The following CDC23 variants were observed in gnomAD, a reference collection of about 807,000 sequenced individuals.
The protein encoded by CDC23 is cell division cycle 23, also known as cell division cycle protein 23 homolog.
CDC23 carries 26 observed loss-of-function variants against 81.7 expected under a neutral mutation model. The ratio of observed to expected loss-of-function variants is 0.32; its 90% CI spans 0.23 to 0.44. CDC23 has a LOEUF of 0.44. Ranked by LOEUF, CDC23 falls within the 20% of genes least tolerant of loss-of-function variation. The probability of loss-of-function intolerance (pLI) is 1.00; values close to 1 mark genes in which losing one functional copy is unlikely to be tolerated. For missense variants in CDC23, 519 were observed against 728.0 expected (o/e 0.71, Z 3.30); for synonymous variants, 267 against 270.8 (o/e 0.99, Z 0.14).
chr5:138,197,446 T>C (rs956489758), intron 9 of CDC23, among the ~76,000 whole-genome samples: 4 of 150,942 alleles, frequency 2.7e-5, no homozygotes, highest in Non-Finnish European at 5.9e-5. Flanking sequence ...TGTATAATGA[T>C]ACAGTTTTGG....
At chr5:138,195,552 ATTATATATAATATAT>A (rs1433692114) in intron 9 of CDC23, among the ~76,000 whole-genome samples, 2,258 of 107,590 alleles carry the variant, frequency 0.021, 88 homozygotes, top group African/African-American at 0.074. Context: ...ATATAATATA[ATTATATATAATATAT>A]TTATATATAA....
At chr5:138,206,362 G>C in intron 3 of CDC23, 185 bp downstream of exon 3, 2 of 640,212 alleles carry the variant, frequency 3.1e-6, no homozygotes, top group Non-Finnish European at 5.5e-6. Flanking sequence ...TCATTCCTAA[G>C]AATATTTTCT....
intron 3 of CDC23, chr5:138,206,007 A>G (rs1431655487): frequency 1.3e-5 from 2 of 152,966 alleles, no homozygotes; most frequent in African/African-American, 4.8e-5. Context: ...GTACTAGGAA[A>G]TGAGAAGTAC....
intron 6 of CDC23, among the ~76,000 whole-genome samples, chr5:138,199,584 G>GA (rs1754962793): frequency 6.6e-6 from 1 of 152,186 alleles, no homozygotes; most frequent in East Asian, 1.9e-4. Context: ...GAAACCAAGA[G>GA]AAAGAGATGT....
intron 2 of CDC23, among the ~76,000 whole-genome samples, chr5:138,211,517 C>T (rs1291622411): frequency 6.6e-6 from 1 of 152,064 alleles, no homozygotes; most frequent in African/African-American, 2.4e-5. Flanking sequence ...CAAAAAGTTA[C>T]CCAGGCGTGG....
At chr5:138,201,005 C>T (rs1754982882) in intron 6 of CDC23, 102 bp downstream of exon 6, 56 of 1,340,536 alleles carry the variant, frequency 4.2e-5, no homozygotes, top group Non-Finnish European at 5.5e-5. Context: ...AAAGGGAGAA[C>T]TATAACCAAA....
intron 2 of CDC23, among the ~76,000 whole-genome samples, chr5:138,207,147 T>C (rs1755059280): frequency 6.6e-6 from 1 of 152,104 alleles, no homozygotes; most frequent in African/African-American, 2.4e-5. Flanking sequence ...CCCAAAGTGC[T>C]GGAATTACAG....
chr5:138,192,794 T>C (rs1228310478), intron 9 of CDC23, 137 bp from the exon 10 acceptor site: 2 of 660,086 alleles, frequency 3.0e-6, no homozygotes, highest in Non-Finnish European at 5.1e-6. Context: ...ACCCAAATTG[T>C]ACAAAAGGGA....
chr5:138,203,427 T>C (rs1469370957), intron 3 of CDC23, among the ~76,000 whole-genome samples: 1 of 151,976 alleles, frequency 6.6e-6, no homozygotes. Flanking sequence ...TAAAAAATAC[T>C]CTATTGATTA....
intron 3 of CDC23, among the ~76,000 whole-genome samples, chr5:138,203,952 T>C (rs17228381): frequency 0.019 from 2,847 of 152,150 alleles, 96 homozygotes; most frequent in African/African-American, 0.064. Flanking sequence ...AGATTGAATA[T>C]AGTATCAAAT....
chr5:138,191,607 A>T, intron 12 of CDC23, 72 bp from the exon 13 acceptor site: 1 of 1,403,722 alleles, frequency 7.1e-7, no homozygotes, highest in Non-Finnish European at 1.0e-6. Flanking sequence ...GAAGGTTAAG[A>T]CCCTGCAAGC....
chr5:138,212,681 T>C (rs934120377), intron 2 of CDC23, among the ~76,000 whole-genome samples: 13 of 152,220 alleles, frequency 8.5e-5, no homozygotes, highest in African/African-American at 3.1e-4. Flanking sequence ...TAATTCCTTA[T>C]AATAATATTT....
intron 6 of CDC23, chr5:138,200,870 T>G: frequency 4.2e-6 from 2 of 474,790 alleles, no homozygotes; most frequent in Non-Finnish European, 7.4e-6. Context: ...AAAACATGAA[T>G]ATGAAAAAAA....
chr5:138,198,941 T>G (rs1380386094), intron 6 of CDC23, among the ~76,000 whole-genome samples, 159 bp from the exon 7 acceptor site: 1 of 152,048 alleles, frequency 6.6e-6, no homozygotes, highest in Non-Finnish European at 1.5e-5. Flanking sequence ...TGAATATGAC[T>G]TACAAGCATA....
chr5:138,201,022 C>A (rs1344207064), intron 6 of CDC23, 85 bp downstream of exon 6: 9 of 1,487,772 alleles, frequency 6.0e-6, no homozygotes, highest in South Asian at 1.3e-5. Flanking sequence ...CAAAGCCCTG[C>A]CAAAACTTTC....
chr5:138,189,716 G>T lies in CDC23; in HGVS notation c.1540C>A (p.Arg514Ser). ...TTAAAATAGTACTGGGCCAGATAGC[G>T]AAAGGCAGTGCTTTCCTCCAAGTGT... is the stretch of plus-strand genomic sequence containing the variant. ...VEHLEESTAF[R>S]YLAQYYFKCK... The change falls in exon 15 of 16, where the codon CGC becomes AGC. Residue 514 changes from arginine to serine, a missense_variant. Physicochemically the swap from Arg to Ser is moderately radical, Grantham distance 110. Around this residue, in one of 4 missense-constraint regions of CDC23, gnomAD observed 175 missense variants for 337.8 expected, o/e 0.52. Transcript: ENST00000394886. 6.2e-7 allele frequency: 1 copy of T among 1,614,010 alleles called. No homozygotes were observed. The highest frequency in any genetic ancestry group is 1.1e-5 in the South Asian group (1 of 91,048).
At position 138,212,996 on chromosome 5, in the gene CDC23, T is replaced by C. The variant is rs973276609; in HGVS notation, c.229A>G (p.Thr77Ala). 6.2e-7 allele frequency: 1 copy of C among 1,613,592 alleles called. No individual in the cohort carries two copies. Among genetic ancestry groups the C allele is most frequent in the Non-Finnish European group, 8.5e-7 (1 of 1,179,788 alleles). Residue 77 changes from threonine (T) to alanine (A), a missense_variant, in exon 2 of 16, where the codon ACA becomes GCA. By Grantham distance (58) the Thr-to-Ala change is moderately conservative (BLOSUM62 0). Coordinates refer to ENST00000394886, the MANE Select transcript of CDC23 (RefSeq NM_004661.4). The part of the protein sequence containing the change: ...LAELQPPPPI[T>A]EEDAQDMDAY... ...CACTGTAAACATGTCCTTACCTCTG[T>C]AATAGGCGGAGGCGGTTGCAGCTCG...
At chr5:138,195,812 CAT>C (rs1168996033) in intron 9 of CDC23, among the ~76,000 whole-genome samples, 4 of 120,844 alleles carry the variant, frequency 3.3e-5, no homozygotes, top group African/African-American at 9.4e-5. Context: ...TATATATATA[CAT>C]ATATATAATA....
intron 9 of CDC23, among the ~76,000 whole-genome samples, chr5:138,193,205 G>A (rs1403902019): frequency 1.3e-5 from 2 of 152,194 alleles, no homozygotes; most frequent in Non-Finnish European, 2.9e-5. Flanking sequence ...TGGAATCAAA[G>A]GCATGAGCCA....
Sources: gnomAD v4.1 joint callset for allele counts (sites outside exome capture counted in the v4.1 genomes callset) on GRCh38, gnomAD v4.1.1 for gene constraint, gnomAD v4.1.1 regional missense constraint, MANE v1.5 for transcripts, NCBI Gene and HGNC (gene_info 2026-07-23, HGNC 2026-07-21) for gene names.